The following SULT1E1 variants were observed in gnomAD, a reference collection of about 807,000 sequenced individuals.
SULT1E1 encodes the protein sulfotransferase family 1E member 1.
In SULT1E1, 36 loss-of-function variants were observed where a neutral mutation model predicts 33.6. The ratio of observed to expected loss-of-function variants is 1.07; its 90% CI spans 0.82 to 1.41. SULT1E1 has a LOEUF of 1.41. Ranked by LOEUF, SULT1E1 falls within the 40% of genes most tolerant of loss-of-function variation. SULT1E1 has a pLI of 0.00. For synonymous variants in SULT1E1, 121 were observed against 111.7 expected (o/e 1.08, Z -0.53); for missense variants, 371 against 345.7 (o/e 1.07, Z -0.58).
the SULT1E1 span, among the ~76,000 whole-genome samples, chr4:69,830,904 G>A: frequency 6.6e-6 from 1 of 152,208 alleles, no homozygotes; most frequent in South Asian, 2.1e-4. Context: ...GTAAACAAAA[G>A]CTCACTCTGC....
At chr4:69,859,703 T>C (rs3775767) in intron 1 of SULT1E1, among the ~76,000 whole-genome samples, 1,941 of 152,168 alleles carry the variant, frequency 0.013, 15 homozygotes, top group Non-Finnish European at 0.021. Flanking sequence ...AACACAAAAC[T>C]AAAAGTCAAT....
chr4:69,859,775 G>A (rs1045531890), intron 1 of SULT1E1, among the ~76,000 whole-genome samples: 39 of 152,066 alleles, frequency 2.6e-4, no homozygotes, highest in African/African-American at 8.0e-4. Context: ...TGGAGAACAC[G>A]TCCAGCATTC....
intron 7 of SULT1E1, among the ~76,000 whole-genome samples, chr4:69,842,821 G>A (rs1172878250): frequency 1.3e-5 from 2 of 151,688 alleles, no homozygotes; most frequent in Non-Finnish European, 2.9e-5. Context: ...CCTTGCAGAA[G>A]GAATTCATCT....
At chr4:69,830,808 A>G in the SULT1E1 span, among the ~76,000 whole-genome samples, 1 of 152,232 alleles carries the variant, frequency 6.6e-6, no homozygotes, top group African/African-American at 2.4e-5. Flanking sequence ...AATGGACTGC[A>G]TCAAGTCTAT....
At chr4:69,841,051 C>CA (rs1306693436), downstream of SULT1E1, among the ~76,000 whole-genome samples, 43 of 148,154 alleles carry the variant, frequency 2.9e-4, no homozygotes, top group South Asian at 1.3e-3. Flanking sequence ...GACTCCGTCT[C>CA]AAAAAAAAAG....
the SULT1E1 span, among the ~76,000 whole-genome samples, chr4:69,835,511 G>C: frequency 6.6e-6 from 1 of 152,260 alleles, no homozygotes; most frequent in South Asian, 2.1e-4. Context: ...CTGAATTTAT[G>C]ATAAGTGGAG....
At chr4:69,855,518 A>G (rs1470135072) in intron 2 of SULT1E1, 92 bp from the exon 3 acceptor site, 6 of 1,341,812 alleles carry the variant, frequency 4.5e-6, no homozygotes, top group Non-Finnish European at 6.1e-6. Flanking sequence ...GTTGGAAGGT[A>G]CCAATGCAAT....
At chr4:69,843,641 C>A (rs1350669759) in intron 7 of SULT1E1, among the ~76,000 whole-genome samples, 1 of 152,158 alleles carries the variant, frequency 6.6e-6, no homozygotes, top group Admixed American at 6.5e-5. Flanking sequence ...TGTCTCCCCC[C>A]AAATAGAATT....
rs187358207 is a variant in SULT1E1, at chr4:69,846,593, C to T, written c.591+1105G>A. Among the ~76,000 whole-genome samples, 16 of 151,448 alleles carry T rather than the reference C, an allele frequency of 1.1e-4. No homozygotes were observed. The East Asian group carries it at 2.7e-3, about 26-fold the overall frequency. On this transcript the variant is annotated intron_variant, in intron 6 of 7. Transcript: ENST00000226444. ...CTATGAAAATTATTGAATATCTAACCTAATGTACACAAGTCAGAGTTTTTC... is the reference window on the plus strand; with the variant it reads ...CTATGAAAATTATTGAATATCTAACTTAATGTACACAAGTCAGAGTTTTTC...
the SULT1E1 span, among the ~76,000 whole-genome samples, chr4:69,834,081 A>G: frequency 7.2e-5 from 11 of 151,900 alleles, no homozygotes; most frequent in African/African-American, 2.7e-4. Flanking sequence ...TAGTGACCTC[A>G]TTTTCTTCTG....
At chr4:69,834,903 C>T in the SULT1E1 span, among the ~76,000 whole-genome samples, 2 of 151,964 alleles carry the variant, frequency 1.3e-5, no homozygotes, top group Admixed American at 6.6e-5. Flanking sequence ...CAACATGGAT[C>T]CTCTCCCTAT....
At chr4:69,833,529 G>A in the SULT1E1 span, among the ~76,000 whole-genome samples, 8 of 152,156 alleles carry the variant, frequency 5.3e-5, no homozygotes, top group Non-Finnish European at 1.0e-4. Context: ...GAAATTCTGA[G>A]TAGTTTCTTA....
rs535813649 is a variant in SULT1E1 at position 69,850,976 on chromosome 4, T to C, written c.370-1413A>G. ...AGATATGACTTGCACTGCATCTCTC[T>C]TGAGTCAAAGTTACCAGTTTCCCAA... On this transcript the variant is annotated intron_variant, in intron 4 of 7. Coordinates refer to ENST00000226444, the MANE Select transcript of SULT1E1 (RefSeq NM_005420.3). Among the ~76,000 whole-genome samples the C allele has an allele frequency of 2.3e-3, 355 of 152,284 alleles. 1 individual carries two copies. Among genetic ancestry groups the C allele is most frequent in the Admixed American group, 6.0e-3 (92 of 15,268 alleles).
At chr4:69,824,574 G>A in the SULT1E1 span, among the ~76,000 whole-genome samples, 3 of 152,142 alleles carry the variant, frequency 2.0e-5, no homozygotes, top group East Asian at 1.9e-4. Flanking sequence ...GAGAGGTGAA[G>A]CCAGCCGGGG....
chr4:69,859,339 T>A (rs901456121), intron 1 of SULT1E1, among the ~76,000 whole-genome samples: 1 of 152,110 alleles, frequency 6.6e-6, no homozygotes, highest in African/African-American at 2.4e-5. Flanking sequence ...ACCCTTTTCC[T>A]AGGCCCTGTA....
intron 4 of SULT1E1, among the ~76,000 whole-genome samples, chr4:69,849,767 T>C (rs1291946885): frequency 6.6e-6 from 1 of 152,058 alleles, no homozygotes; most frequent in Non-Finnish European, 1.5e-5. Context: ...GTTCTCTTTG[T>C]TCTCACTACA....
chr4:69,831,982 C>T, the SULT1E1 span, among the ~76,000 whole-genome samples: 2 of 152,324 alleles, frequency 1.3e-5, no homozygotes, highest in African/African-American at 4.8e-5. Context: ...TAGCAATCCT[C>T]TCTCACATAC....
At chr4:69,849,302 C>T (rs189099422) in intron 5 of SULT1E1, 135 bp downstream of exon 5, 24 of 1,035,716 alleles carry the variant, frequency 2.3e-5, no homozygotes, top group South Asian at 1.6e-4. Flanking sequence ...AACCTCCAGG[C>T]GCCTTTAGAT....
intron 6 of SULT1E1, among the ~76,000 whole-genome samples, chr4:69,845,583 ATGTG>A (rs1457015412): frequency 6.6e-6 from 1 of 151,226 alleles, no homozygotes; most frequent in Non-Finnish European, 1.5e-5. Flanking sequence ...ATACAGACAT[ATGTG>A]TATATATATA....
Sources: gnomAD v4.1 joint callset for allele counts (sites outside exome capture counted in the v4.1 genomes callset) on GRCh38, gnomAD v4.1.1 for gene constraint, MANE v1.5 for transcripts, NCBI Gene and HGNC (gene_info 2026-07-23, HGNC 2026-07-21) for gene names.